The following PRKAR1A variants were observed in gnomAD, a reference collection of about 807,000 sequenced individuals.
PRKAR1A encodes protein kinase cAMP-dependent type I regulatory subunit alpha, also known as cAMP-dependent protein kinase type I-alpha regulatory subunit.
In PRKAR1A, 3 loss-of-function variants were observed where a neutral mutation model predicts 52.0. The observed-to-expected ratio is 0.06, with a 90% CI of 0.03 to 0.15. PRKAR1A has a LOEUF of 0.15. PRKAR1A is among the 10% of genes least tolerant of loss of function. The pLI, the probability that PRKAR1A is intolerant of heterozygous loss-of-function variation, is 1.00. For missense variants in PRKAR1A, 240 were observed against 477.4 expected (o/e 0.50, Z 4.63); for synonymous variants, 188 against 168.4 (o/e 1.12, Z -0.90).
At chr17:68,539,268 C>T in intron 11 of PRKAR1A, 1 of 1,536,152 alleles carries the variant, frequency 6.5e-7, no homozygotes, top group East Asian at 2.3e-5. Context: ...CCCTTCAGAC[C>T]TTGGCTGCAA....
chr17:68,539,232 C>A, intron 11 of PRKAR1A: 2 of 1,050,922 alleles, frequency 1.9e-6, no homozygotes, highest in Middle Eastern at 2.0e-4. Context: ...TACCCACTTA[C>A]GTCCTGGACC....
the PRKAR1A span, among the ~76,000 whole-genome samples, chr17:68,487,483 C>A: frequency 3.3e-5 from 5 of 152,132 alleles, no homozygotes; most frequent in African/African-American, 1.2e-4. Flanking sequence ...TTTCTGTATT[C>A]ATTCATTCAT....
downstream of PRKAR1A, among the ~76,000 whole-genome samples, chr17:68,534,053 G>T (rs1343904277): frequency 6.6e-6 from 1 of 152,274 alleles, no homozygotes; most frequent in East Asian, 1.9e-4. Flanking sequence ...ATAGCTATCA[G>T]TAAACGCTGT....
the PRKAR1A span, among the ~76,000 whole-genome samples, chr17:68,460,861 A>T: frequency 6.6e-6 from 1 of 152,336 alleles, no homozygotes; most frequent in South Asian, 2.1e-4. Context: ...CCCTCAAAAA[A>T]TTTCCCAGAA....
At chr17:68,499,933 T>C in the PRKAR1A span, among the ~76,000 whole-genome samples, 2 of 152,222 alleles carry the variant, frequency 1.3e-5, no homozygotes, top group Non-Finnish European at 1.5e-5. Flanking sequence ...TTGGATGACA[T>C]GAAGACCATA....
chr17:68,460,726 T>G, the PRKAR1A span, among the ~76,000 whole-genome samples: 766 of 152,334 alleles, frequency 5.0e-3, 20 homozygotes, highest in East Asian at 0.083. Context: ...TGATGAAAAC[T>G]AATTCTTATT....
upstream of PRKAR1A, chr17:68,512,306 A>C (rs1263160384): frequency 6.5e-6 from 1 of 153,228 alleles, no homozygotes; most frequent in African/African-American, 2.4e-5. Context: ...TCCAAGAGCG[A>C]CCAGGGGGGA....
chr17:68,433,779 T>TGTTTTG, the PRKAR1A span, among the ~76,000 whole-genome samples: 1 of 70,520 alleles, frequency 1.4e-5, no homozygotes, highest in African/African-American at 4.4e-5. Flanking sequence ...TTTTTTTTTT[T>TGTTTTG]TTTTTTTTTT....
At chr17:68,539,975 G>A (rs760791741) in intron 11 of PRKAR1A, 1 of 1,613,930 alleles carries the variant, frequency 6.2e-7, no homozygotes, top group Non-Finnish European at 8.5e-7. Context: ...CCCTGTGAAG[G>A]AGGGGAGGAC....
chr17:68,510,159 C>CAGAGAGAGAGAGAGAGAGAGAGGAG (rs2085244043), upstream of PRKAR1A, among the ~76,000 whole-genome samples: 2 of 127,520 alleles, frequency 1.6e-5, no homozygotes, highest in Non-Finnish European at 3.3e-5. Flanking sequence ...TATATGTAGA[C>CAGAGAGAGAGAGAGAGAGAGAGGAG]AGAGAGAGAG....
downstream of PRKAR1A, among the ~76,000 whole-genome samples, chr17:68,534,504 G>A (rs1182576478): frequency 6.6e-6 from 1 of 151,712 alleles, no homozygotes; most frequent in African/African-American, 2.4e-5. Flanking sequence ...TGGAACAAAG[G>A]GATGCTCATC....
At chr17:68,445,176 TC>T in the PRKAR1A span, among the ~76,000 whole-genome samples, 5 of 152,266 alleles carry the variant, frequency 3.3e-5, no homozygotes, top group Admixed American at 2.6e-4. Context: ...CGCCTCGGCC[TC>T]CCAAAGTGCT....
the PRKAR1A span, among the ~76,000 whole-genome samples, chr17:68,473,751 G>A: frequency 2.0e-5 from 3 of 152,106 alleles, no homozygotes; most frequent in Non-Finnish European, 4.4e-5. Context: ...TCGAATTCCT[G>A]ACTTTGTGAT....
rs1010337016 is a variant in PRKAR1A at position 68,529,050 on chromosome 17, C to T, written c.891+59C>T. On this transcript the variant is annotated intron_variant, in intron 9 of 10. Transcript: ENST00000589228. ...GAGGTAAAGAACTCAGAATTTAATA[C>T]TTTAAAAAGTTGTACGCTCTAAGAG... is the stretch of plus-strand genomic sequence containing the variant. The T allele has an allele frequency of 1.9e-6, 3 of 1,603,790 alleles. No individual in the cohort carries two copies. The African/African-American group carries it at 4.0e-5, about 21-fold the overall frequency.
At chr17:68,431,599 A>G in the PRKAR1A span, among the ~76,000 whole-genome samples, 3 of 149,238 alleles carry the variant, frequency 2.0e-5, no homozygotes, top group Non-Finnish European at 4.5e-5. Context: ...AAGATGATAT[A>G]GGATGGACTG....
At chr17:68,449,450 C>T in the PRKAR1A span, among the ~76,000 whole-genome samples, 1 of 152,176 alleles carries the variant, frequency 6.6e-6, no homozygotes, top group Admixed American at 6.5e-5. Flanking sequence ...CATGGGGAAA[C>T]ACTGTAATAT....
intron 11 of PRKAR1A, among the ~76,000 whole-genome samples, chr17:68,545,666 G>A (rs1255635902): frequency 1.3e-5 from 2 of 152,300 alleles, no homozygotes; most frequent in Non-Finnish European, 2.9e-5. Context: ...AGATGTATCT[G>A]TAGCACGCAA....
At chr17:68,436,993 CAAAAAA>C in the PRKAR1A span, among the ~76,000 whole-genome samples, 109 of 124,762 alleles carry the variant, frequency 8.7e-4, no homozygotes, top group African/African-American at 1.4e-3. Flanking sequence ...GACCCCGTCT[CAAAAAA>C]AAAAAAATAT....
chr17:68,484,750 G>A, the PRKAR1A span, among the ~76,000 whole-genome samples: 1 of 152,120 alleles, frequency 6.6e-6, no homozygotes, highest in Non-Finnish European at 1.5e-5. Flanking sequence ...TAGCAAGAAA[G>A]GCTGACAAAC....
Sources: allele counts gnomAD v4.1 joint callset (sites outside exome capture counted in the v4.1 genomes callset), GRCh38; gene constraint gnomAD v4.1.1; transcripts MANE v1.5; gene names NCBI Gene and HGNC (gene_info 2026-07-23, HGNC 2026-07-21).